Variants in ACACA observed in about 807,000 individuals in gnomAD.
The protein encoded by ACACA is acetyl-CoA carboxylase 1.
A neutral mutation model predicts 296.1 loss-of-function variants in ACACA; 103 were observed. The observed-to-expected ratio is 0.35, with a 90% CI of 0.30 to 0.41. The LOEUF is 0.41. Among genes scored for constraint, ACACA ranks in the 10% least tolerant of loss-of-function variants. ACACA has a pLI of 1.00. For missense variants in ACACA, 1,554 were observed against 2,989.7 expected, an observed-to-expected ratio of 0.52 and a Z score of 11.20; for synonymous variants, 953 against 1,038.6, an observed-to-expected ratio of 0.92 and a Z score of 1.58.
chr17:37,207,865 A>G, intron 30 of ACACA, 65 bp from the exon 31 acceptor site: 1 of 1,577,302 alleles, frequency 6.3e-7, no homozygotes, highest in Non-Finnish European at 8.7e-7. Context: ...GGAAAGTAAC[A>G]GTAGGGAAAA....
At chr17:37,217,260 CAAAAAAAAAAAA>C (rs34419580) in intron 29 of ACACA, among the ~76,000 whole-genome samples, 7 of 42,544 alleles carry the variant, frequency 1.6e-4, no homozygotes, top group Non-Finnish European at 1.8e-4. Context: ...AACTCTATCT[CAAAAAAAAAAAA>C]AAAAAAAAAA....
intron 52 of ACACA, among the ~76,000 whole-genome samples, chr17:37,103,913 G>C (rs919692232): frequency 6.6e-6 from 1 of 152,138 alleles, no homozygotes; most frequent in African/African-American, 2.4e-5. Context: ...ATGGTGAAGC[G>C]TGCCTGTAGT....
chr17:37,292,422 C>G (rs968700679), intron 3 of ACACA, among the ~76,000 whole-genome samples: 4 of 151,942 alleles, frequency 2.6e-5, no homozygotes, highest in Non-Finnish European at 5.9e-5. Context: ...AAAGTCCTCT[C>G]AAGGGAAAGC....
At chr17:37,404,570 A>ATTTTT (rs5820212) in intron 1 of ACACA, among the ~76,000 whole-genome samples, 11 of 104,714 alleles carry the variant, frequency 1.1e-4, no homozygotes, top group Admixed American at 3.2e-4. Flanking sequence ...TGCCACAGTG[A>ATTTTT]TTTTTTTTTT....
rs369244050 is a variant in ACACA at position 37,113,281 on chromosome 17, C to A, written c.6275-16G>T. On this transcript the variant is annotated splice_polypyrimidine_tract_variant and intron_variant, in intron 50 of 55. Transcript: ENST00000616317. This position sits in a 1 kb window ranked among gnomAD's most constrained non-coding sequence, Gnocchi z 4.0. The stretch of plus-strand genomic sequence containing the variant: ...TCGTACATATCTATGGAGAATGAGA[C>A]AAATTAGAAATCAAGAAATTTCTCT... 246 of 1,613,460 alleles carry A rather than the reference C, an allele frequency of 1.5e-4. 1 individual carries two copies. The highest frequency in any genetic ancestry group is 8.3e-4 in the Middle Eastern group (5 of 6,060).
intron 30 of ACACA, among the ~76,000 whole-genome samples, chr17:37,209,041 T>C (rs1028700111): frequency 7.9e-5 from 12 of 152,202 alleles, no homozygotes; most frequent in African/African-American, 2.9e-4. Context: ...ACACAGACTA[T>C]AGAGACTGAC....
intron 37 of ACACA, 100 bp downstream of exon 37, chr17:37,191,990 A>G: frequency 2.5e-6 from 3 of 1,188,772 alleles, no homozygotes; most frequent in Non-Finnish European, 3.6e-6. Flanking sequence ...TCTTTTTTTT[A>G]TGTTCTCTCT....
chr17:37,348,312 G>A (rs1392116946), intron 1 of ACACA, among the ~76,000 whole-genome samples: 1 of 152,062 alleles, frequency 6.6e-6, no homozygotes. Context: ...GATTGCCATG[G>A]TCATTGCCAG....
At chr17:37,382,019 C>T (rs760324915) in intron 1 of ACACA, among the ~76,000 whole-genome samples, 7 of 152,082 alleles carry the variant, frequency 4.6e-5, no homozygotes, top group African/African-American at 1.2e-4. Context: ...AAACAATGAC[C>T]GTATATATTC....
At chr17:37,345,399 T>C (rs934192412) in intron 1 of ACACA, 3 of 152,094 alleles carry the variant, frequency 2.0e-5, no homozygotes, top group African/African-American at 7.2e-5. Flanking sequence ...GAGAGAAAAA[T>C]AACTAAAGTT....
chr17:37,340,288 C>T (rs935183948), intron 1 of ACACA, among the ~76,000 whole-genome samples: 1 of 152,276 alleles, frequency 6.6e-6, no homozygotes, highest in East Asian at 1.9e-4. Flanking sequence ...AGACAGAGTG[C>T]CCATTATACT....
At chr17:37,229,649 G>T (rs551888666) in intron 25 of ACACA, among the ~76,000 whole-genome samples, 1 of 152,030 alleles carries the variant, frequency 6.6e-6, no homozygotes, top group Non-Finnish European at 1.5e-5. Context: ...AGCAAAACAC[G>T]TAAAAGCACT....
At chr17:37,238,859 G>GT (rs2080249588) in intron 24 of ACACA, among the ~76,000 whole-genome samples, 1 of 152,094 alleles carries the variant, frequency 6.6e-6, no homozygotes, top group South Asian at 2.1e-4. Flanking sequence ...ACAGGGTCTT[G>GT]CTCTGTTGCC....
chr17:37,228,099 C>G (rs1016897831), intron 25 of ACACA, among the ~76,000 whole-genome samples: 1 of 151,336 alleles, frequency 6.6e-6, no homozygotes, highest in African/African-American at 2.4e-5. Flanking sequence ...TAAATAAATG[C>G]AGTATAAATA....
chr17:37,094,764 A>T (rs1056133673), intron 54 of ACACA, among the ~76,000 whole-genome samples: 1 of 152,212 alleles, frequency 6.6e-6, no homozygotes, highest in East Asian at 1.9e-4. Context: ...ATGCCCTGAC[A>T]TCATAGGATT....
intron 50 of ACACA, among the ~76,000 whole-genome samples, chr17:37,117,424 C>T (rs2074310669): frequency 6.6e-6 from 1 of 152,062 alleles, no homozygotes; most frequent in Non-Finnish European, 1.5e-5. Context: ...ATAAGTATAA[C>T]ATGAAAAGCC....
intron 1 of ACACA, among the ~76,000 whole-genome samples, chr17:37,364,462 C>T (rs771462493): frequency 5.6e-4 from 85 of 151,880 alleles, no homozygotes; most frequent in Non-Finnish European, 1.2e-4. Flanking sequence ...GGCATGGTGG[C>T]GGGCACCTAT....
chr17:37,290,256 C>A (rs1165674829), intron 3 of ACACA, among the ~76,000 whole-genome samples: 1 of 152,156 alleles, frequency 6.6e-6, no homozygotes, highest in African/African-American at 2.4e-5. Flanking sequence ...ACCATGTTGG[C>A]CAGGCTGGTC....
chr17:37,106,908 T>C (rs1053446774), intron 52 of ACACA, among the ~76,000 whole-genome samples: 1 of 152,064 alleles, frequency 6.6e-6, no homozygotes. Flanking sequence ...TACAATCAGA[T>C]TAAAGGATCA....
Sources: allele counts gnomAD v4.1 joint callset (sites outside exome capture counted in the v4.1 genomes callset), GRCh38; gene constraint gnomAD v4.1.1; non-coding constraint Gnocchi (gnomAD v3.1); transcripts MANE v1.5; gene names NCBI Gene and HGNC (gene_info 2026-07-23, HGNC 2026-07-21).